HCN1: variants seen among roughly 807,000 people sequenced by gnomAD.
The protein encoded by HCN1 is hyperpolarization activated cyclic nucleotide gated potassium channel 1.
A neutral mutation model predicts 78.9 loss-of-function variants in HCN1; 13 were observed. The observed-to-expected ratio is 0.16, with a 90% CI of 0.11 to 0.26. The LOEUF is 0.26. Ranked by LOEUF, HCN1 falls within the 10% of genes least tolerant of loss-of-function variation. HCN1 has a pLI of 1.00. For missense variants in HCN1, 810 were observed against 1,154.3 expected, an observed-to-expected ratio of 0.70 and a Z score of 4.32; for synonymous variants, 552 against 455.5, an observed-to-expected ratio of 1.21 and a Z score of -2.70.
intron 3 of HCN1, among the ~76,000 whole-genome samples, chr5:45,412,714 T>C (rs973736878): frequency 6.6e-6 from 1 of 151,470 alleles, no homozygotes; most frequent in Non-Finnish European, 1.5e-5. Context: ...GGCCTGGAGG[T>C]TGTATAGTTT....
intron 3 of HCN1, among the ~76,000 whole-genome samples, chr5:45,428,519 T>C (rs114285926): frequency 6.6e-5 from 10 of 152,214 alleles, no homozygotes; most frequent in African/African-American, 2.4e-4. Context: ...TTTGTAAAAA[T>C]GAATTACATT....
intron 5 of HCN1, among the ~76,000 whole-genome samples, chr5:45,316,597 T>C (rs866928775): frequency 1.8e-4 from 28 of 152,216 alleles, no homozygotes; most frequent in African/African-American, 6.7e-4. Context: ...TAAAGGGTAT[T>C]CAATTACAAA....
In HCN1 at chr5:45,262,586, C is replaced by T. The variant is rs373454105; in HGVS notation, c.2008G>A (p.Ala670Thr). ...MRTQSPPVYTATSLSHSNLHS... is the reference protein window; with the variant it reads ...MRTQSPPVYTTTSLSHSNLHS... ...AGGTTGCTGTGAGACAGGCTGGTCG[C>T]TGTGTACACCGGTGGAGATTGTGTC... is the stretch of plus-strand genomic sequence containing the variant. Residue 670 changes from alanine to threonine, a missense_variant, in exon 8 of 8, where the codon GCG becomes ACG. Physicochemically the swap from Ala to Thr is moderately conservative, Grantham distance 58. Around this residue, in one of 6 missense-constraint regions of HCN1, gnomAD observed 398 missense variants for 381.3 expected, o/e 1.04. Transcript: ENST00000303230. 27 of 1,613,772 alleles carry T rather than the reference C, an allele frequency of 1.7e-5. No homozygotes were observed. The highest frequency in any genetic ancestry group is 1.5e-4 in the Admixed American group (9 of 59,992).
chr5:45,389,831 C>T (rs1230002848), intron 4 of HCN1, among the ~76,000 whole-genome samples: 4 of 152,214 alleles, frequency 2.6e-5, no homozygotes, highest in East Asian at 1.9e-4. Context: ...GTTAGGAATA[C>T]GTCGTATCTC....
intron 2 of HCN1, among the ~76,000 whole-genome samples, chr5:45,555,367 T>C (rs943370122): frequency 5.3e-5 from 8 of 151,576 alleles, no homozygotes; most frequent in African/African-American, 1.9e-4. Context: ...ATATAAACTA[T>C]AAAACACTAA....
intron 5 of HCN1, among the ~76,000 whole-genome samples, chr5:45,307,900 T>C (rs1393986537): frequency 6.6e-6 from 1 of 152,156 alleles, no homozygotes; most frequent in Non-Finnish European, 1.5e-5. Flanking sequence ...GGATGTGATG[T>C]ACATGGGAAT....
At chr5:45,616,351 G>C (rs2111987090) in intron 2 of HCN1, among the ~76,000 whole-genome samples, 1 of 152,036 alleles carries the variant, frequency 6.6e-6, no homozygotes, top group East Asian at 1.9e-4. Flanking sequence ...GAAAAGTTAA[G>C]GGTATTTTAA....
intron 2 of HCN1, among the ~76,000 whole-genome samples, chr5:45,557,212 G>A (rs1743488334): frequency 6.6e-6 from 1 of 151,766 alleles, no homozygotes; most frequent in Non-Finnish European, 1.5e-5. Flanking sequence ...AATTGTCTTT[G>A]TTCTTATTTT....
chr5:45,470,286 G>A lies in HCN1; in HGVS notation c.850-8279C>T, dbSNP rs577710449. 1.8e-4 allele frequency among the ~76,000 whole-genome samples: 27 copies of A among 152,018 alleles called. 1 individual carries two copies. The East Asian group carries it at 5.0e-3, about 28-fold the overall frequency. On this transcript the variant is annotated intron_variant, in intron 2 of 7. Transcript: ENST00000303230. ...TATACCTTCCAAAAGAAATCACTAA[G>A]TACATGATTTTGGTATTAAACCAAT... is the stretch of plus-strand genomic sequence containing the variant.
At chr5:45,576,713 G>C (rs1174973304) in intron 2 of HCN1, 3 of 152,100 alleles carry the variant, frequency 2.0e-5, no homozygotes, top group Non-Finnish European at 2.9e-5. Context: ...CTACAGTATA[G>C]TGTAAACATA....
chr5:45,446,153 G>T (rs1057376833), intron 3 of HCN1, among the ~76,000 whole-genome samples: 1 of 148,290 alleles, frequency 6.7e-6, no homozygotes, highest in South Asian at 2.2e-4. Flanking sequence ...AAATTTAGAC[G>T]AATGTATAAC....
intron 2 of HCN1, among the ~76,000 whole-genome samples, chr5:45,483,369 T>C (rs1184913488): frequency 1.3e-5 from 2 of 152,232 alleles, no homozygotes; most frequent in Admixed American, 1.3e-4. Context: ...TGCATTTCTC[T>C]CATGATTAGT....
chr5:45,274,569 T>C (rs1745018178), intron 6 of HCN1, among the ~76,000 whole-genome samples: 1 of 152,194 alleles, frequency 6.6e-6, no homozygotes. Flanking sequence ...AACATTAATT[T>C]CCTTCCTTTT....
intron 2 of HCN1, among the ~76,000 whole-genome samples, chr5:45,550,843 A>G (rs1189074357): frequency 6.6e-6 from 1 of 152,000 alleles, no homozygotes; most frequent in Non-Finnish European, 1.5e-5. Context: ...ACTTGCTTAG[A>G]AGAGAAGTAT....
chr5:45,666,794 T>C (rs1049800433), intron 1 of HCN1, among the ~76,000 whole-genome samples: 1 of 151,990 alleles, frequency 6.6e-6, no homozygotes, highest in African/African-American at 2.4e-5. Flanking sequence ...TACCACAGCT[T>C]TAATAAATAA....
intron 3 of HCN1, among the ~76,000 whole-genome samples, chr5:45,436,085 C>T (rs374171375): frequency 2.0e-5 from 3 of 152,162 alleles, no homozygotes; most frequent in African/African-American, 4.8e-5. Flanking sequence ...AACTGACATA[C>T]ATATAAATAC....
intron 3 of HCN1, among the ~76,000 whole-genome samples, chr5:45,437,814 T>A (rs1030094022): frequency 1.3e-5 from 2 of 152,204 alleles, no homozygotes; most frequent in South Asian, 4.1e-4. Flanking sequence ...TTTCTGATAA[T>A]CAGGAATCAA....
intron 6 of HCN1, among the ~76,000 whole-genome samples, chr5:45,288,631 A>G (rs1428334754): frequency 6.6e-6 from 1 of 151,980 alleles, no homozygotes; most frequent in African/African-American, 2.4e-5. Context: ...TATAGTTTTG[A>G]TTGTAAATAT....
chr5:45,541,672 C>A (rs1431884113), intron 2 of HCN1, among the ~76,000 whole-genome samples: 1 of 152,046 alleles, frequency 6.6e-6, no homozygotes, highest in Non-Finnish European at 1.5e-5. Flanking sequence ...ACTTTGAGAT[C>A]TTCAAATATT....
Sources: gnomAD v4.1 joint callset for allele counts (sites outside exome capture counted in the v4.1 genomes callset) on GRCh38, gnomAD v4.1.1 for gene constraint, gnomAD v4.1.1 regional missense constraint, MANE v1.5 for transcripts, NCBI Gene and HGNC (gene_info 2026-07-23, HGNC 2026-07-21) for gene names.